The following CD86 variants were observed in gnomAD, a reference collection of about 807,000 sequenced individuals.
CD86 encodes CD86 molecule, also known as T-lymphocyte activation antigen CD86.
A neutral mutation model predicts 32.1 loss-of-function variants in CD86; 11 were observed. The observed-to-expected ratio is 0.34, with a 90% CI of 0.22 to 0.57. The LOEUF (loss-of-function observed/expected upper bound fraction) is 0.57, where lower values mean the gene tolerates loss of function less well. CD86 is among the 20% of genes least tolerant of loss of function. CD86 has a pLI of 0.86. For synonymous variants in CD86, 137 were observed against 135.3 expected (o/e 1.01, Z -0.09); for missense variants, 359 against 398.4 (o/e 0.90, Z 0.84).
At chr3:122,115,107 G>A (rs777676623) in intron 5 of CD86, among the ~76,000 whole-genome samples, 7 of 152,136 alleles carry the variant, frequency 4.6e-5, no homozygotes, top group African/African-American at 1.4e-4. Context: ...GATCATGCTT[G>A]TAGAAAATCC....
chr3:122,068,636 A>G (rs528967539), intron 1 of CD86, among the ~76,000 whole-genome samples: 1 of 152,358 alleles, frequency 6.6e-6, no homozygotes, highest in East Asian at 1.9e-4. Context: ...GTGACATCAC[A>G]GGTGTTGGTA....
intron 5 of CD86, among the ~76,000 whole-genome samples, chr3:122,117,561 T>G (rs575365647): frequency 1.3e-5 from 2 of 152,388 alleles, no homozygotes; most frequent in Admixed American, 6.5e-5. Flanking sequence ...TCAGGCTTTG[T>G]GAGGTCTAGC....
chr3:122,070,958 A>G (rs1206877469), intron 1 of CD86, among the ~76,000 whole-genome samples: 3 of 152,034 alleles, frequency 2.0e-5, no homozygotes, highest in African/African-American at 4.8e-5. Flanking sequence ...TTTTTTTTTA[A>G]TTAACAGACT....
chr3:122,106,445 C>G lies in CD86; in HGVS notation c.648C>G (p.Ile216Met). 1 of 1,613,548 alleles carries G rather than the reference C, an allele frequency of 6.2e-7. No homozygotes were observed. The highest frequency in any genetic ancestry group is 8.5e-7 in the Non-Finnish European group (1 of 1,179,616). ...CTGATGTTACGAGCAATATGACCAT[C>G]TTCTGTATTCTGGAAACTGACAAGA... ...SFPDVTSNMTIFCILETDKTR... is the reference protein window; with the variant it reads ...SFPDVTSNMTMFCILETDKTR... The change falls in exon 4 of 7, where the codon ATC becomes ATG. Residue 216 changes from isoleucine to methionine, a missense_variant. Physicochemically the swap from Ile to Met is conservative, Grantham distance 10 (BLOSUM62 1). Coordinates refer to ENST00000330540, the MANE Select transcript of CD86 (RefSeq NM_175862.5).
At chr3:122,112,717 T>C (rs1385988709) in intron 5 of CD86, among the ~76,000 whole-genome samples, 2 of 152,234 alleles carry the variant, frequency 1.3e-5, no homozygotes, top group African/African-American at 4.8e-5. Context: ...ACAGTGGCTT[T>C]TTTTGATATG....
In CD86 at chr3:122,066,074, T is replaced by A. The variant is rs147854731; in HGVS notation, c.14+10571T>A. ...AAGCCAAAACCCAGCTCCTTAAATG[T>A]TTCTAATTTTATTTTCAAACAATCA... On this transcript the variant is annotated intron_variant, in intron 1 of 6. Coordinates refer to ENST00000330540, the MANE Select transcript of CD86 (RefSeq NM_175862.5). Among the ~76,000 whole-genome samples the A allele has an allele frequency of 2.0e-5, 3 of 152,266 alleles. No individual in the cohort carries two copies. In the East Asian group the frequency reaches 5.8e-4, roughly 29 times the overall value.
chr3:122,065,534 A>C (rs1280231834), intron 1 of CD86, among the ~76,000 whole-genome samples: 2 of 152,220 alleles, frequency 1.3e-5, no homozygotes, highest in Non-Finnish European at 2.9e-5. Flanking sequence ...ACATGGTAAC[A>C]ACTGGTGAAT....
intron 1 of CD86, among the ~76,000 whole-genome samples, chr3:122,088,182 CTTTTTTT>C (rs60476471): frequency 8.8e-6 from 1 of 113,358 alleles, no homozygotes; most frequent in Non-Finnish European, 1.9e-5. Flanking sequence ...AAAGGGCCCT[CTTTTTTT>C]TTTTTTTTTT....
intron 1 of CD86, among the ~76,000 whole-genome samples, chr3:122,080,412 T>C (rs940393731): frequency 2.0e-5 from 3 of 152,172 alleles, no homozygotes; most frequent in East Asian, 1.9e-4. Flanking sequence ...ACAGATTTGC[T>C]CTTGGGGGAC....
chr3:122,101,511 A>AT (rs1450462144), intron 2 of CD86, among the ~76,000 whole-genome samples: 1,204 of 23,522 alleles, frequency 0.051, 2 homozygotes, highest in East Asian at 0.12. Flanking sequence ...AAAAAAAAAA[A>AT]AAATATATAT....
At chr3:122,088,968 T>G (rs1190547846) in intron 1 of CD86, among the ~76,000 whole-genome samples, 1 of 152,194 alleles carries the variant, frequency 6.6e-6, no homozygotes, top group Non-Finnish European at 1.5e-5. Context: ...AAATGTAGTA[T>G]GTACATACAG....
intron 5 of CD86, among the ~76,000 whole-genome samples, chr3:122,111,081 G>T (rs762218336): frequency 3.3e-5 from 5 of 152,202 alleles, no homozygotes; most frequent in Non-Finnish European, 7.3e-5. Context: ...GAGATGGTCA[G>T]ATTGGGCTGA....
chr3:122,107,136 G>C (rs1034512948), intron 4 of CD86, among the ~76,000 whole-genome samples: 8 of 152,164 alleles, frequency 5.3e-5, no homozygotes, highest in Non-Finnish European at 8.8e-5. Flanking sequence ...GGCATTCAGA[G>C]GTAGGCAAGA....
intron 1 of CD86, among the ~76,000 whole-genome samples, chr3:122,056,156 G>A (rs2072231020): frequency 6.6e-6 from 1 of 152,044 alleles, no homozygotes; most frequent in East Asian, 1.9e-4. Flanking sequence ...TGGGGTAACT[G>A]TGGCTTAAAA....
intron 1 of CD86, among the ~76,000 whole-genome samples, chr3:122,079,122 C>A (rs980356750): frequency 2.2e-4 from 33 of 152,128 alleles, no homozygotes; most frequent in African/African-American, 4.8e-4. Context: ...GTGGGGAAAT[C>A]ACATTAATTT....
intron 1 of CD86, among the ~76,000 whole-genome samples, chr3:122,076,834 G>A (rs1445125945): frequency 1.3e-5 from 2 of 152,222 alleles, no homozygotes; most frequent in South Asian, 2.1e-4. Flanking sequence ...AAGTGATTAT[G>A]AGTCACATTT....
intron 2 of CD86, among the ~76,000 whole-genome samples, chr3:122,098,682 C>A (rs937435703): frequency 6.6e-6 from 1 of 152,172 alleles, no homozygotes; most frequent in Non-Finnish European, 1.5e-5. Context: ...ACGGAGCAGG[C>A]AGATGAGTTA....
intron 2 of CD86, among the ~76,000 whole-genome samples, chr3:122,102,021 T>G (rs1472050318): frequency 6.6e-6 from 1 of 152,150 alleles, no homozygotes; most frequent in Non-Finnish European, 1.5e-5. Flanking sequence ...CTCCCACTGA[T>G]GCCTGCTGTC....
chr3:122,078,338 C>T (rs1406502963), intron 1 of CD86, among the ~76,000 whole-genome samples: 1 of 152,180 alleles, frequency 6.6e-6, no homozygotes, highest in Non-Finnish European at 1.5e-5. Context: ...TAATTGGCAG[C>T]TGTTCTTGGC....
Sources: allele counts gnomAD v4.1 joint callset (sites outside exome capture counted in the v4.1 genomes callset), GRCh38; gene constraint gnomAD v4.1.1; transcripts MANE v1.5; gene names NCBI Gene and HGNC (gene_info 2026-07-23, HGNC 2026-07-21).